The following LRRC7 variants were observed in gnomAD, a reference collection of about 807,000 sequenced individuals.
LRRC7 encodes the protein leucine-rich repeat-containing protein 7.
Under a neutral mutation model 175.7 loss-of-function variants are expected in LRRC7, and 23 were observed. The ratio of observed to expected loss-of-function variants is 0.13; its 90% CI spans 0.09 to 0.19. The LOEUF (loss-of-function observed/expected upper bound fraction) is 0.19. Among genes scored for constraint, LRRC7 ranks in the 10% least tolerant of loss-of-function variants. LRRC7 has a pLI of 1.00. For missense variants in LRRC7, 1,354 were observed against 1,904.7 expected (o/e 0.71, Z 5.38); for synonymous variants, 685 against 680.9 (o/e 1.01, Z -0.09).
intron 11 of LRRC7, 54 bp downstream of exon 11, chr1:69,994,687 A>G: frequency 1.7e-6 from 2 of 1,187,576 alleles, no homozygotes; most frequent in South Asian, 2.5e-5. Context: ...AAACTAAAGG[A>G]TATATTGAGT....
At chr1:69,815,968 A>T (rs1249605322) in intron 4 of LRRC7, among the ~76,000 whole-genome samples, 1 of 150,838 alleles carries the variant, frequency 6.6e-6, no homozygotes, top group Non-Finnish European at 1.5e-5. Context: ...TTATTTATTT[A>T]TTTATTTATT....
At chr1:70,050,763 G>A (rs1424174623) in intron 22 of LRRC7, among the ~76,000 whole-genome samples, 2 of 151,906 alleles carry the variant, frequency 1.3e-5, no homozygotes, top group Non-Finnish European at 2.9e-5. Context: ...GAAAGAATAT[G>A]CACATGATTC....
chr1:69,935,114 C>T (rs538131606), intron 8 of LRRC7, among the ~76,000 whole-genome samples: 1 of 152,232 alleles, frequency 6.6e-6, no homozygotes, highest in South Asian at 2.1e-4. Flanking sequence ...GGTAGGGACC[C>T]ACTGACCCAC....
chr1:69,785,516 A>C (rs1674304545), intron 3 of LRRC7, among the ~76,000 whole-genome samples: 1 of 152,048 alleles, frequency 6.6e-6, no homozygotes, highest in African/African-American at 2.4e-5. Context: ...ATTTGTATTA[A>C]TGTATTTCAC....
Position 69,579,873 on chromosome 1 carries a change from GTCC to G in LRRC7, c.2+11237_2+11239del, listed in dbSNP as rs915659081. ...GGTCTCAAACTCCTGGGCTGAAGCA[GTCC>G]TCCTGCCTTCGCCTCCCAAAGTGTT... On this transcript the variant is annotated intron_variant, in intron 1 of 26. Transcript: ENST00000651989. 2.0e-5 allele frequency among the ~76,000 whole-genome samples: 3 copies of G among 147,994 alleles called. No individual in the cohort carries two copies. In the Admixed American group the frequency reaches 2.0e-4, roughly 10 times the overall value.
chr1:69,726,929 T>A (rs749491010), intron 2 of LRRC7, among the ~76,000 whole-genome samples: 25 of 152,184 alleles, frequency 1.6e-4, no homozygotes, highest in Non-Finnish European at 2.8e-4. Context: ...GACTGTATCT[T>A]AGGTCAGATT....
rs756045617 is a variant in LRRC7 at position 70,038,532 on chromosome 1, C to A, written c.2708C>A (p.Thr903Asn). The stretch of plus-strand genomic sequence containing the variant: ...GCTTTTCCTTCCAAATTAGAGACAA[C>A]CCCCACTACCAGCCCATTGCCTGAA... ...RTAFPSKLETTPTTSPLPERK... is the reference protein window; with the variant it reads ...RTAFPSKLETNPTTSPLPERK... The change falls in exon 21 of 27, where the codon ACC becomes AAC. Residue 903 changes from threonine to asparagine, a missense_variant. Around this residue, in one of 4 missense-constraint regions of LRRC7, gnomAD observed 1,032 missense variants for 1,227.2 expected, o/e 0.84. Coordinates refer to ENST00000651989, the MANE Select transcript of LRRC7 (RefSeq NM_001370785.2). The A allele has an allele frequency of 6.2e-7, 1 of 1,613,922 alleles. No individual in the cohort carries two copies. Among genetic ancestry groups the A allele is most frequent in the African/African-American group, 1.3e-5 (1 of 74,884 alleles).
intron 1 of LRRC7, among the ~76,000 whole-genome samples, chr1:69,646,618 A>G (rs1655038652): frequency 2.0e-5 from 3 of 152,146 alleles, no homozygotes; most frequent in Non-Finnish European, 4.4e-5. Context: ...AGCTGCTGCC[A>G]TTAAAGACAG....
chr1:69,926,151 C>G (rs1570683209), intron 7 of LRRC7, among the ~76,000 whole-genome samples: 1 of 149,456 alleles, frequency 6.7e-6, no homozygotes, highest in South Asian at 2.1e-4. Flanking sequence ...TTTGATTGCA[C>G]TGTGGTCTGA....
chr1:69,943,015 T>C (rs1648897437), intron 8 of LRRC7, among the ~76,000 whole-genome samples: 1 of 152,124 alleles, frequency 6.6e-6, no homozygotes, highest in Non-Finnish European at 1.5e-5. Flanking sequence ...TTAGTGTTAG[T>C]ATATTTTTAT....
chr1:70,015,070 G>A (rs559745707), intron 13 of LRRC7, among the ~76,000 whole-genome samples: 2 of 152,014 alleles, frequency 1.3e-5, no homozygotes, highest in Admixed American at 1.3e-4. Flanking sequence ...CACAATTTCT[G>A]GCTTAAGTGA....
intron 7 of LRRC7, among the ~76,000 whole-genome samples, chr1:69,882,191 G>C (rs1314957171): frequency 1.3e-5 from 2 of 152,082 alleles, no homozygotes; most frequent in African/African-American, 4.8e-5. Context: ...CAGTATACCA[G>C]TTAGGATGGG....
rs190482673 is a variant in LRRC7, at chr1:70,015,573, C to T, written c.1251-892C>T. 5.3e-5 allele frequency among the ~76,000 whole-genome samples: 8 copies of T among 152,250 alleles called. No homozygotes were observed. The East Asian group carries it at 1.3e-3, about 26-fold the overall frequency. ...TGGCATGCCTTGTTTGTACTACTCA[C>T]TTTGCTAACTAGCTTTGATGGTAAC... On this transcript the variant is annotated intron_variant, in intron 13 of 26. Transcript: ENST00000651989.
At chr1:69,969,666 C>T (rs1652025907) in intron 8 of LRRC7, among the ~76,000 whole-genome samples, 2 of 152,070 alleles carry the variant, frequency 1.3e-5, no homozygotes, top group South Asian at 4.1e-4. Context: ...AGATAAACAG[C>T]AACACAATAA....
At chr1:69,897,129 T>G (rs147774629) in intron 7 of LRRC7, among the ~76,000 whole-genome samples, 2 of 152,270 alleles carry the variant, frequency 1.3e-5, no homozygotes, top group East Asian at 3.9e-4. Flanking sequence ...CCAACAATAT[T>G]CCCATTTTAT....
At chr1:69,885,943 G>T (rs77407199) in intron 7 of LRRC7, among the ~76,000 whole-genome samples, 1 of 76,488 alleles carries the variant, frequency 1.3e-5, no homozygotes, top group East Asian at 5.5e-4. Context: ...GAGTTTGTTA[G>T]TCCTGAGTTC....
At chr1:69,750,429 C>G (rs1669739137) in intron 2 of LRRC7, among the ~76,000 whole-genome samples, 1 of 151,998 alleles carries the variant, frequency 6.6e-6, no homozygotes, top group East Asian at 1.9e-4. Context: ...TGCCTGTACC[C>G]CATAAATATG....
chr1:69,975,297 C>A (rs146476468), intron 8 of LRRC7, among the ~76,000 whole-genome samples: 1 of 152,300 alleles, frequency 6.6e-6, no homozygotes, highest in African/African-American at 2.4e-5. Context: ...CCTCACCCAC[C>A]TACACACCAA....
chr1:70,095,073 A>G (rs1404534666), intron 25 of LRRC7, among the ~76,000 whole-genome samples: 1 of 152,188 alleles, frequency 6.6e-6, no homozygotes, highest in South Asian at 2.1e-4. Flanking sequence ...ATGTTTCTAA[A>G]TTCATTTTGT....
Sources: gnomAD v4.1 joint callset for allele counts (sites outside exome capture counted in the v4.1 genomes callset) on GRCh38, gnomAD v4.1.1 for gene constraint, gnomAD v4.1.1 regional missense constraint, MANE v1.5 for transcripts, NCBI Gene and HGNC (gene_info 2026-07-23, HGNC 2026-07-21) for gene names.